Variants in LGI2 observed in about 807,000 individuals in gnomAD.
The protein encoded by LGI2 is leucine rich repeat LGI family member 2, also known as leucine-rich repeat LGI family member 2.
A neutral mutation model predicts 52.0 loss-of-function variants in LGI2; 30 were observed. The ratio of observed to expected loss-of-function variants is 0.58; its 90% CI spans 0.43 to 0.78. LGI2 has a LOEUF of 0.78. LGI2 is among the 30% of genes least tolerant of loss of function. LGI2 has a pLI of 0.00. For missense variants in LGI2, 573 were observed against 692.5 expected (o/e 0.83, Z 1.94); for synonymous variants, 270 against 271.8 (o/e 0.99, Z 0.06).
chr4:25,019,010 T>C (rs1725861563), intron 5 of LGI2, among the ~76,000 whole-genome samples, 157 bp downstream of exon 5: 1 of 152,172 alleles, frequency 6.6e-6, no homozygotes, highest in Non-Finnish European at 1.5e-5. Flanking sequence ...TCCAACACAA[T>C]ACAAACTGTA....
At chr4:25,010,768 A>G (rs1560289402) in intron 7 of LGI2, among the ~76,000 whole-genome samples, 3 of 152,314 alleles carry the variant, frequency 2.0e-5, no homozygotes, top group Admixed American at 1.3e-4. Flanking sequence ...CACGGCCAAC[A>G]TCGGCATTGG....
intron 2 of LGI2, 57 bp downstream of exon 2, chr4:25,028,450 C>G (rs1412903063): frequency 3.3e-6 from 5 of 1,522,632 alleles, no homozygotes; most frequent in Non-Finnish European, 4.5e-6. Flanking sequence ...AGAGACGGCC[C>G]TCCAAGGATG....
At chr4:24,998,544 AC>A (rs1396105390), downstream of LGI2, among the ~76,000 whole-genome samples, 2 of 152,174 alleles carry the variant, frequency 1.3e-5, no homozygotes, top group East Asian at 1.9e-4. Flanking sequence ...CTTCCTCCTT[AC>A]CTTGTAGAGT....
chr4:25,005,068 T>C (rs1367881704), intron 7 of LGI2, among the ~76,000 whole-genome samples: 2 of 152,166 alleles, frequency 1.3e-5, no homozygotes, highest in Admixed American at 6.6e-5. Context: ...ATTCCACTTA[T>C]ATGAGGTACC....
Position 25,002,205 on chromosome 4 carries a change from C to T in LGI2, c.*1246G>A, listed in dbSNP as rs549287252. On this transcript the variant is annotated 3_prime_UTR_variant, in exon 8 of 8. Coordinates refer to ENST00000382114, the MANE Select transcript of LGI2 (RefSeq NM_018176.4). ...GCCTGAGATCCCCAGCCTGCACAGGCTGATTCCACTGCCAACACGTGGCCC... is the reference window on the plus strand; with the variant it reads ...GCCTGAGATCCCCAGCCTGCACAGGTTGATTCCACTGCCAACACGTGGCCC... 6.6e-6 allele frequency: 1 copy of T among 152,342 alleles called. No homozygotes were observed. The highest frequency in any genetic ancestry group is 2.1e-4 in the South Asian group (1 of 4,830). The allele number at this position is 152,342 out of a possible 1,614,324, so 9.4% of individuals were successfully genotyped here. A position where few individuals can be genotyped will look rare whatever the true frequency, so the allele number is the denominator to read the frequency against.
At chr4:25,018,482 C>G (rs544535162) in intron 5 of LGI2, among the ~76,000 whole-genome samples, 193 of 152,258 alleles carry the variant, frequency 1.3e-3, no homozygotes, top group Middle Eastern at 3.4e-3. Context: ...AAGAGCAGCC[C>G]CCAACAGAGG....
At chr4:25,012,955 G>GT (rs1300542233) in intron 6 of LGI2, among the ~76,000 whole-genome samples, 1 of 152,202 alleles carries the variant, frequency 6.6e-6, no homozygotes, top group Non-Finnish European at 1.5e-5. Flanking sequence ...GAAGAAGTCT[G>GT]TTTTTTGTTT....
rs916579918 is a variant in LGI2 at position 25,002,355 on chromosome 4, A to G, written c.*1096T>C. 1 of 152,358 alleles carries G rather than the reference A, an allele frequency of 6.6e-6. No homozygotes were observed. The highest frequency in any genetic ancestry group is 2.4e-5 in the African/African-American group (1 of 41,460). 9.4% of individuals were successfully genotyped at this position (152,358 alleles called of 1,614,324 possible). A position where few individuals can be genotyped will look rare whatever the true frequency, so the allele number is the denominator to read the frequency against. On this transcript the variant is annotated 3_prime_UTR_variant, in exon 8 of 8. Transcript: ENST00000382114. The stretch of plus-strand genomic sequence containing the variant: ...GGCAGTGCAATAGCAGCAACTCAAC[A>G]AAACAGGACTGTTACACAAGCGGGG...
At chr4:25,030,057 A>G (rs570520515) in intron 1 of LGI2, among the ~76,000 whole-genome samples, 2 of 151,788 alleles carry the variant, frequency 1.3e-5, no homozygotes, top group East Asian at 2.0e-4. Context: ...AGCTGCTCCT[A>G]TGCACGCCCC....
At position 25,003,563 on chromosome 4, in the gene LGI2, G is replaced by C. The variant is rs755540368; in HGVS notation, c.1526C>G (p.Ala509Gly). 1 of 1,613,808 alleles carries C rather than the reference G, an allele frequency of 6.2e-7. No individual in the cohort carries two copies. Among genetic ancestry groups the C allele is most frequent in the East Asian group, 2.2e-5 (1 of 44,890 alleles). The part of the protein sequence containing the change: ...FKKFKEIYVQ[A>G]PRSFTAVSTD... ...GGAGACAGCTGTGAATGAACGAGGC[G>C]CCTGCACGTAAATCTCCTTAAACTT... The change falls in exon 8 of 8, where the codon GCG (alanine) becomes GGG (glycine). Residue 509 changes from alanine (A) to glycine (G), a missense_variant. Ala to Gly is a moderately conservative substitution (Grantham distance 60). Coordinates refer to ENST00000382114, the MANE Select transcript of LGI2 (RefSeq NM_018176.4).
chr4:25,026,024 T>C (rs1426010529), intron 3 of LGI2, among the ~76,000 whole-genome samples: 2 of 152,140 alleles, frequency 1.3e-5, no homozygotes, highest in Non-Finnish European at 2.9e-5. Flanking sequence ...ATACACATAT[T>C]ATGTATACTC....
intron 7 of LGI2, among the ~76,000 whole-genome samples, chr4:25,006,910 G>T (rs1297580668): frequency 6.6e-5 from 10 of 152,058 alleles, no homozygotes; most frequent in African/African-American, 1.4e-4. Context: ...GCACAAAGAA[G>T]AAAATACAAA....
At chr4:25,024,798 C>T (rs1276740080) in intron 4 of LGI2, 22 bp downstream of exon 4, 1 of 1,548,542 alleles carries the variant, frequency 6.5e-7, no homozygotes, top group East Asian at 2.3e-5. Flanking sequence ...AGAGGACTTA[C>T]AATACTTTTC....
chr4:25,022,920 G>A (rs1726020004), intron 4 of LGI2, among the ~76,000 whole-genome samples: 1 of 152,206 alleles, frequency 6.6e-6, no homozygotes, highest in Admixed American at 6.5e-5. Context: ...CTGGGAACCA[G>A]ACTCATCTGG....
rs548867535 is a variant in LGI2, at chr4:25,020,081, C to T, written c.414-843G>A. Among the ~76,000 whole-genome samples, 9 of 152,282 alleles carry T rather than the reference C, an allele frequency of 5.9e-5. No homozygotes were observed. In the South Asian group the frequency reaches 1.0e-3, roughly 18 times the overall value. On this transcript the variant is annotated intron_variant, in intron 4 of 7. Transcript: ENST00000382114. Reference sequence around the variant, plus strand: ...GTCCATCTAAGTGAATTCTATTACTCGTGATTCTAAGAAAGGACTCAGTCA... The same window carrying T: ...GTCCATCTAAGTGAATTCTATTACTTGTGATTCTAAGAAAGGACTCAGTCA...
At chr4:24,996,216 ACAT>A (rs1486788135), downstream of LGI2, among the ~76,000 whole-genome samples, 1 of 152,246 alleles carries the variant, frequency 6.6e-6, no homozygotes. Context: ...TATTCAGGTT[ACAT>A]TCACACTCCC....
chr4:25,025,006 G>T, intron 3 of LGI2, 115 bp from the exon 4 acceptor site: 1 of 699,474 alleles, frequency 1.4e-6, no homozygotes, highest in Non-Finnish European at 2.3e-6. Context: ...TATAAGAATT[G>T]ATCTCTGAAG....
At chr4:24,996,488 C>A (rs975661643), downstream of LGI2, among the ~76,000 whole-genome samples, 3 of 152,268 alleles carry the variant, frequency 2.0e-5, no homozygotes, top group Admixed American at 6.5e-5. Context: ...GTCCTGAATT[C>A]TTTGACAGGT....
chr4:25,029,486 G>C (rs1042273603), intron 1 of LGI2, among the ~76,000 whole-genome samples: 2 of 152,172 alleles, frequency 1.3e-5, no homozygotes, highest in Admixed American at 6.5e-5. Context: ...ACGTCACCCC[G>C]GGGATTCCCT....
Sources: gnomAD v4.1 joint callset for allele counts (sites outside exome capture counted in the v4.1 genomes callset) on GRCh38, gnomAD v4.1.1 for gene constraint, MANE v1.5 for transcripts, NCBI Gene and HGNC (gene_info 2026-07-23, HGNC 2026-07-21) for gene names.